The following SERPINA5 variants were observed in gnomAD, a reference collection of about 807,000 sequenced individuals.
The protein encoded by SERPINA5 is serpin family A member 5.
SERPINA5 carries 25 observed loss-of-function variants against 25.3 expected under a neutral mutation model. The ratio of observed to expected loss-of-function variants is 0.99; its 90% CI spans 0.72 to 1.38. The LOEUF (loss-of-function observed/expected upper bound fraction) is 1.38, where lower values mean the gene tolerates loss of function less well. Among genes scored for constraint, SERPINA5 ranks in the 40% most tolerant of loss-of-function variants. The pLI, the probability that SERPINA5 is intolerant of heterozygous loss-of-function variation, is 0.00. For missense variants in SERPINA5, 599 were observed against 509.5 expected, an observed-to-expected ratio of 1.18 and a Z score of -1.69; for synonymous variants, 234 against 206.2, an observed-to-expected ratio of 1.14 and a Z score of -1.16.
At position 94,592,574 on chromosome 14, in the gene SERPINA5, T is replaced by G; in HGVS notation, c.*335T>G. ...TCCTGGCCCTTGATGCCCAGCTCAG[T>G]GCCACAAAGCTCAATAGGAGGGATG... On this transcript the variant is annotated 3_prime_UTR_variant, in exon 6 of 6. Coordinates refer to ENST00000329597, the MANE Select transcript of SERPINA5 (RefSeq NM_000624.6). The G allele has an allele frequency of 4.4e-6, 1 of 226,018 alleles. No individual in the cohort carries two copies. The highest frequency in any genetic ancestry group is 9.5e-5 in the South Asian group (1 of 10,554). 14.0% of individuals were successfully genotyped at this position (226,018 alleles called of 1,614,324 possible). A position where few individuals can be genotyped will look rare whatever the true frequency, so the allele number is the denominator to read the frequency against.
At position 94,583,044 on chromosome 14, in the gene SERPINA5, A is replaced by G. The variant is rs139247508; in HGVS notation, c.-18+1334A>G. Among the ~76,000 whole-genome samples, 429 of 152,294 alleles carry G rather than the reference A, an allele frequency of 2.8e-3. 1 individual carries two copies. The highest frequency in any genetic ancestry group is 0.01 in the African/African-American group (416 of 41,564). ...TTGCTGTGTTTGAGAAACTGGGAAAAGAAGAGTGAGCCTGGGGGTATCACG... is the reference window on the plus strand; with the variant it reads ...TTGCTGTGTTTGAGAAACTGGGAAAGGAAGAGTGAGCCTGGGGGTATCACG... On this transcript the variant is annotated intron_variant, in intron 2 of 5. Coordinates refer to ENST00000329597, the MANE Select transcript of SERPINA5 (RefSeq NM_000624.6).
chr14:94,589,136 C>T (rs1885191818), intron 3 of SERPINA5, among the ~76,000 whole-genome samples: 1 of 152,196 alleles, frequency 6.6e-6, no homozygotes, highest in Non-Finnish European at 1.5e-5. Context: ...TGGGGTCTTC[C>T]TTCGATAACG....
At position 94,590,687 on chromosome 14, in the gene SERPINA5, G is replaced by A. The variant is rs1402091603; in HGVS notation, c.891-62G>A. The stretch of plus-strand genomic sequence containing the variant: ...GAATCCAGTGCATTATGAATCCAAG[G>A]GGTGAGGCTCAGTGTGCCAATGCCC... On this transcript the variant is annotated intron_variant, in intron 4 of 5. Transcript: ENST00000329597. The A allele has an allele frequency of 3.9e-6, 6 of 1,546,904 alleles. No homozygotes were observed. In the Admixed American group the frequency reaches 5.5e-5, roughly 14 times the overall value.
At chr14:94,588,226 G>C (rs532864174) in intron 3 of SERPINA5, among the ~76,000 whole-genome samples, 4 of 152,076 alleles carry the variant, frequency 2.6e-5, no homozygotes, top group Admixed American at 6.5e-5. Flanking sequence ...TGCTGTCTTC[G>C]GGCCCCTGGG....
intron 5 of SERPINA5, among the ~76,000 whole-genome samples, chr14:94,591,783 A>T (rs1314932654): frequency 6.6e-6 from 1 of 152,036 alleles, no homozygotes; most frequent in Non-Finnish European, 1.5e-5. Flanking sequence ...AAAATACTTG[A>T]CTCTCTGAGC....
rs769569443 is a variant in SERPINA5, at chr14:94,592,048, C to T, written c.1039-9C>T. The T allele has an allele frequency of 1.8e-5, 29 of 1,609,650 alleles. No homozygotes were observed. Among genetic ancestry groups the T allele is most frequent in the Non-Finnish European group, 2.5e-5 (29 of 1,177,772 alleles). On this transcript the variant is annotated splice_polypyrimidine_tract_variant and intron_variant, in intron 5 of 5. Coordinates refer to ENST00000329597, the MANE Select transcript of SERPINA5 (RefSeq NM_000624.6). The stretch of plus-strand genomic sequence containing the variant: ...AGTGGCCTGGTGATGCCTGGTGTCT[C>T]CCCTGCAGATGGTGCACAAAGCTGT...
chr14:94,591,040 CA>C (rs1885262985), intron 5 of SERPINA5, 144 bp downstream of exon 5: 2 of 378,984 alleles, frequency 5.3e-6, no homozygotes, highest in Non-Finnish European at 9.4e-6. Context: ...TATTCAATTC[CA>C]CTCCACTCCA....
intron 2 of SERPINA5, chr14:94,587,130 C>T: frequency 1.9e-6 from 1 of 513,182 alleles, no homozygotes; most frequent in Admixed American, 3.6e-5. Flanking sequence ...TCTGCACCTC[C>T]TCTCCCTCCT....
intron 3 of SERPINA5, 149 bp downstream of exon 3, chr14:94,588,130 C>T: frequency 9.9e-7 from 1 of 1,006,932 alleles, no homozygotes; most frequent in East Asian, 2.4e-5. Context: ...AAACAAGCAG[C>T]CAGAGAAGGT....
chr14:94,591,994 C>T, intron 5 of SERPINA5, 63 bp from the exon 6 acceptor site: 1 of 1,537,608 alleles, frequency 6.5e-7, no homozygotes, highest in Non-Finnish European at 8.8e-7. Flanking sequence ...GAAGCTTTGC[C>T]ATTTGCTATG....
At position 94,583,325 on chromosome 14, in the gene SERPINA5, G is replaced by A. The variant is rs111606536; in HGVS notation, c.-18+1615G>A. On this transcript the variant is annotated intron_variant, in intron 2 of 5. Coordinates refer to ENST00000329597, the MANE Select transcript of SERPINA5 (RefSeq NM_000624.6). ...GAGATGAAGGGAGCTTCCACTGGGG[G>A]CAGTAAGAAAGCCAGGGAAAGGCGG... Among the ~76,000 whole-genome samples, 182 of 152,328 alleles carry A rather than the reference G, an allele frequency of 1.2e-3. 1 individual carries two copies. Among genetic ancestry groups the A allele is most frequent in the African/African-American group, 4.1e-3 (169 of 41,580 alleles).
chr14:94,586,427 C>T (rs1885086564), intron 2 of SERPINA5, among the ~76,000 whole-genome samples: 1 of 152,116 alleles, frequency 6.6e-6, no homozygotes, highest in East Asian at 1.9e-4. Flanking sequence ...TCACAGGTGG[C>T]TGCCTTCTCC....
At chr14:94,584,118 C>A (rs1450048105) in intron 2 of SERPINA5, among the ~76,000 whole-genome samples, 2 of 151,986 alleles carry the variant, frequency 1.3e-5, no homozygotes, top group Non-Finnish European at 2.9e-5. Context: ...GAGGTGAGGT[C>A]GAGGAGGAAC....
chr14:94,588,603 G>GGC (rs1362873273), intron 3 of SERPINA5, among the ~76,000 whole-genome samples: 3 of 152,178 alleles, frequency 2.0e-5, no homozygotes, highest in African/African-American at 7.2e-5. Context: ...AGGAGAGGGT[G>GGC]GGAAGGGTTG....
intron 5 of SERPINA5, among the ~76,000 whole-genome samples, chr14:94,591,320 C>G (rs1169163042): frequency 6.8e-6 from 1 of 147,126 alleles, no homozygotes; most frequent in Non-Finnish European, 1.5e-5. Flanking sequence ...CTCCACTCTT[C>G]CATTCCACTC....
intron 2 of SERPINA5, 31 bp from the exon 3 acceptor site, chr14:94,587,315 C>T (rs1170472569): frequency 1.3e-6 from 2 of 1,540,470 alleles, no homozygotes; most frequent in South Asian, 2.5e-5. Context: ...CAGCTCCACC[C>T]CTCTCTGAGG....
rs1595079245 is a variant in SERPINA5 at position 94,587,681 on chromosome 14, C to G, written c.319C>G (p.Leu107Val). 2 of 1,614,156 alleles carry G rather than the reference C, an allele frequency of 1.2e-6. No homozygotes were observed. The highest frequency in any genetic ancestry group is 1.6e-4 in the Middle Eastern group (1 of 6,062). The change falls in exon 3 of 6, where the codon CTG becomes GTG. Residue 107 changes from leucine to valine, a missense_variant. Coordinates refer to ENST00000329597, the MANE Select transcript of SERPINA5 (RefSeq NM_000624.6). The part of the protein sequence containing the change: ...LNLQKSSEKE[L>V]HRGFQQLLQE... ...CCTCCAGAAAAGCTCAGAGAAGGAG[C>G]TGCACAGAGGCTTTCAGCAGCTCCT...
intron 2 of SERPINA5, among the ~76,000 whole-genome samples, chr14:94,583,054 G>C (rs1217756638): frequency 1.3e-5 from 2 of 152,198 alleles, no homozygotes; most frequent in African/African-American, 4.8e-5. Context: ...AGAAGAGTGA[G>C]CCTGGGGGTA....
chr14:94,591,369 T>TTCCACTCCTCCACTCCAC (rs1566839203), intron 5 of SERPINA5, among the ~76,000 whole-genome samples: 2 of 135,780 alleles, frequency 1.5e-5, no homozygotes, highest in East Asian at 2.4e-4. Context: ...CTCCACTCCA[T>TTCCACTCCTCCACTCCAC]TCCACTCCTC....
Sources: gnomAD v4.1 joint callset for allele counts (sites outside exome capture counted in the v4.1 genomes callset) on GRCh38, gnomAD v4.1.1 for gene constraint, MANE v1.5 for transcripts, NCBI Gene and HGNC (gene_info 2026-07-23, HGNC 2026-07-21) for gene names.